KCNQ3: variants seen among roughly 807,000 people sequenced by gnomAD.
KCNQ3 encodes the protein potassium voltage-gated channel subfamily KQT member 3.
A neutral mutation model predicts 92.5 loss-of-function variants in KCNQ3; 30 were observed. The observed-to-expected ratio is 0.32, with a 90% CI of 0.24 to 0.44. The LOEUF is 0.44. Ranked by LOEUF, KCNQ3 falls within the 20% of genes least tolerant of loss-of-function variation. The pLI is 1.00. For missense variants in KCNQ3, 913 were observed against 1,140.3 expected (o/e 0.80, Z 2.87); for synonymous variants, 450 against 468.8 (o/e 0.96, Z 0.52).
At chr8:132,324,343 T>C (rs28736655) in intron 1 of KCNQ3, among the ~76,000 whole-genome samples, 1,650 of 152,316 alleles carry the variant, frequency 0.011, 20 homozygotes, top group African/African-American at 0.023. Flanking sequence ...AGGGACCCTA[T>C]TTATATGCCT....
intron 1 of KCNQ3, among the ~76,000 whole-genome samples, chr8:132,466,196 G>A (rs1424117390): frequency 2.6e-5 from 4 of 151,034 alleles, no homozygotes; most frequent in Non-Finnish European, 2.9e-5. Context: ...ATTTTTTTCC[G>A]GAATGACAAC....
intron 1 of KCNQ3, among the ~76,000 whole-genome samples, chr8:132,359,572 A>G (rs776650201): frequency 6.6e-6 from 1 of 152,140 alleles, no homozygotes; most frequent in African/African-American, 2.4e-5. Context: ...CTGGGTACCA[A>G]TTGAATCTGC....
At chr8:132,204,310 T>C (rs1813583745) in intron 1 of KCNQ3, among the ~76,000 whole-genome samples, 1 of 152,218 alleles carries the variant, frequency 6.6e-6, no homozygotes, top group Admixed American at 6.5e-5. Context: ...TAAGCCTTAT[T>C]CTATGTTTTC....
chr8:132,318,608 C>T lies in KCNQ3; in HGVS notation c.387-132427G>A, dbSNP rs147413828. Among the ~76,000 whole-genome samples, 728 of 152,262 alleles carry T rather than the reference C, an allele frequency of 4.8e-3. 5 individuals are homozygous for T. The highest frequency in any genetic ancestry group is 0.017 in the African/African-American group (705 of 41,540). On this transcript the variant is annotated intron_variant, in intron 1 of 14. Coordinates refer to ENST00000388996, the MANE Select transcript of KCNQ3 (RefSeq NM_004519.4). Reference sequence around the variant, plus strand: ...GTCCTTGCTATTTGGTGTTGCAGCTCGCTTGTCAGCGATGCTGGGAGGTGC... The same window carrying T: ...GTCCTTGCTATTTGGTGTTGCAGCTTGCTTGTCAGCGATGCTGGGAGGTGC...
intron 1 of KCNQ3, among the ~76,000 whole-genome samples, chr8:132,234,472 T>C (rs1392760152): frequency 1.3e-5 from 2 of 150,400 alleles, no homozygotes; most frequent in African/African-American, 4.9e-5. Flanking sequence ...AGTCCTATGA[T>C]GGGGCTACCT....
At chr8:132,159,112 A>T (rs949112405) in intron 9 of KCNQ3, among the ~76,000 whole-genome samples, 1 of 152,216 alleles carries the variant, frequency 6.6e-6, no homozygotes, top group African/African-American at 2.4e-5. Context: ...GCACTGTTGC[A>T]TGTCTACTGA....
intron 1 of KCNQ3, among the ~76,000 whole-genome samples, chr8:132,374,556 C>G (rs1445213697): frequency 6.6e-6 from 1 of 152,206 alleles, no homozygotes; most frequent in Non-Finnish European, 1.5e-5. Context: ...CACAGGTACA[C>G]GTACAGGTTT....
At chr8:132,164,584 C>T (rs770828714) in intron 8 of KCNQ3, among the ~76,000 whole-genome samples, 12 of 152,092 alleles carry the variant, frequency 7.9e-5, no homozygotes, top group South Asian at 6.2e-4. Context: ...CATTTCCCCG[C>T]GAGCACAATA....
chr8:132,228,536 C>T (rs1173345630), intron 1 of KCNQ3, among the ~76,000 whole-genome samples: 1 of 152,122 alleles, frequency 6.6e-6, no homozygotes, highest in Non-Finnish European at 1.5e-5. Context: ...TTAATTACTA[C>T]ACGGAAATAC....
At chr8:132,357,600 G>A (rs183541846) in intron 1 of KCNQ3, among the ~76,000 whole-genome samples, 4 of 152,274 alleles carry the variant, frequency 2.6e-5, no homozygotes, top group African/African-American at 9.6e-5. Context: ...TGGGATGAGC[G>A]CAGGAGACAT....
intron 13 of KCNQ3, among the ~76,000 whole-genome samples, chr8:132,133,062 G>C (rs2130929305): frequency 6.6e-6 from 1 of 152,294 alleles, no homozygotes; most frequent in South Asian, 2.1e-4. Context: ...CAGCTGGCTA[G>C]TGTTTTCTTT....
At chr8:132,393,783 C>T (rs1820112324) in intron 1 of KCNQ3, among the ~76,000 whole-genome samples, 1 of 152,168 alleles carries the variant, frequency 6.6e-6, no homozygotes, top group African/African-American at 2.4e-5. Context: ...CCTGGGCTAT[C>T]ACCATGAGAG....
intron 1 of KCNQ3, among the ~76,000 whole-genome samples, chr8:132,247,596 G>A (rs1261034281): frequency 6.6e-6 from 1 of 151,820 alleles, no homozygotes; most frequent in Non-Finnish European, 1.5e-5. Context: ...AGACCAGCCT[G>A]GCCAGCTGGC....
chr8:132,206,528 G>A (rs1054903570), intron 1 of KCNQ3, among the ~76,000 whole-genome samples: 3 of 152,086 alleles, frequency 2.0e-5, no homozygotes, highest in East Asian at 1.9e-4. Context: ...AGTCATATAC[G>A]AGGTTTACAA....
intron 1 of KCNQ3, among the ~76,000 whole-genome samples, chr8:132,339,361 C>A (rs1237869764): frequency 6.6e-6 from 1 of 152,176 alleles, no homozygotes; most frequent in African/African-American, 2.4e-5. Context: ...GACCCCCTCA[C>A]CCTTCAAAAA....
Position 132,226,265 on chromosome 8 carries a change from T to C in KCNQ3, c.387-40084A>G, listed in dbSNP as rs573811840. ...CAGCCTGGGTGAGAGAGCATGATTC[T>C]GTCTCAAAAAAAAAAAAAAATCATG... On this transcript the variant is annotated intron_variant, in intron 1 of 14. Coordinates refer to ENST00000388996, the MANE Select transcript of KCNQ3 (RefSeq NM_004519.4). Among the ~76,000 whole-genome samples the C allele has an allele frequency of 8.2e-5, 11 of 134,878 alleles. No individual in the cohort carries two copies. In the East Asian group the frequency reaches 2.0e-3, roughly 24 times the overall value. The allele number at this position is 134,878 out of a possible 152,430, so 88.5% of individuals were successfully genotyped here.
chr8:132,315,201 C>A (rs1817706318), intron 1 of KCNQ3, among the ~76,000 whole-genome samples: 1 of 151,832 alleles, frequency 6.6e-6, no homozygotes, highest in Non-Finnish European at 1.5e-5. Flanking sequence ...TGCAACAGGG[C>A]AAGAAGAATG....
At chr8:132,304,255 T>C (rs948864871) in intron 1 of KCNQ3, among the ~76,000 whole-genome samples, 1 of 152,164 alleles carries the variant, frequency 6.6e-6, no homozygotes, top group Non-Finnish European at 1.5e-5. Flanking sequence ...CACTATGTAA[T>C]ACATCCATGT....
chr8:132,361,092 G>C (rs1297707617), intron 1 of KCNQ3, among the ~76,000 whole-genome samples: 2 of 152,160 alleles, frequency 1.3e-5, no homozygotes, highest in East Asian at 3.9e-4. Flanking sequence ...ATTCCAGCTT[G>C]TTTTACAGAT....
Sources: gnomAD v4.1 joint callset for allele counts (sites outside exome capture counted in the v4.1 genomes callset) on GRCh38, gnomAD v4.1.1 for gene constraint, MANE v1.5 for transcripts, NCBI Gene and HGNC (gene_info 2026-07-23, HGNC 2026-07-21) for gene names.